The following HDLBP variants were observed in gnomAD, a reference collection of about 807,000 sequenced individuals.
The protein encoded by HDLBP is high density lipoprotein binding protein.
In HDLBP, 30 loss-of-function variants were observed where a neutral mutation model predicts 137.3. The ratio of observed to expected loss-of-function variants is 0.22; its 90% confidence interval spans 0.16 to 0.30. The LOEUF is 0.30. Ranked by LOEUF, HDLBP falls within the 10% of genes least tolerant of loss-of-function variation. The pLI, the probability that HDLBP is intolerant of heterozygous loss-of-function variation, is 1.00. For synonymous variants in HDLBP, 606 were observed against 596.0 expected (o/e 1.02, Z -0.24); for missense variants, 1,119 against 1,667.3 (o/e 0.67, Z 5.73).
At chr2:241,313,093 C>T (rs984185410) in intron 1 of HDLBP, among the ~76,000 whole-genome samples, 8 of 152,170 alleles carry the variant, frequency 5.3e-5, no homozygotes, top group Non-Finnish European at 7.3e-5. Flanking sequence ...TCTTTTAAAC[C>T]GCAGTTCAAG....
At chr2:241,250,731 C>T (rs141864950) in intron 11 of HDLBP, 2 of 146,112 alleles carry the variant, frequency 1.4e-5, no homozygotes, top group African/African-American at 4.9e-5. Context: ...GAGGCAGCAA[C>T]GAGGCGATGC....
rs2069594015 is a variant in HDLBP, at chr2:241,230,355, T to C, written c.3475-86A>G. ...TGTGTCAATTTCTAGTGAAGCATTT[T>C]CTGAGTTAGCAAACGTTTTAAAATC... is the stretch of plus-strand genomic sequence containing the variant. On this transcript the variant is annotated intron_variant, in intron 25 of 27. Transcript: ENST00000310931. The surrounding 1 kb of genome is among the most constrained non-coding windows in gnomAD (Gnocchi z 5.0). The C allele has an allele frequency of 1.0e-5, 9 of 867,410 alleles. No homozygotes were observed. The highest frequency in any genetic ancestry group is 1.5e-5 in the Non-Finnish European group (8 of 545,332). 53.7% of individuals were successfully genotyped at this position (867,410 alleles called of 1,614,324 possible). A position where few individuals can be genotyped will look rare whatever the true frequency, so the allele number is the denominator to read the frequency against.
rs918799841 is a variant in HDLBP, at chr2:241,255,136, G to C, written c.1103C>G (p.Ser368Cys). ...GTGAAGCCAGGAAGGGGCGGCGACAGAGGAGACGGTGAAGCTATTGGCCTA... is the reference window on the plus strand; with the variant it reads ...GTGAAGCCAGGAAGGGGCGGCGACACAGGAGACGGTGAAGCTATTGGCCTA... ...YAKANSFTVS[S>C]VAAPSWLHRF... Residue 368 changes from serine to cysteine, a missense_variant, in exon 9 of 28, where the codon TCT becomes TGT. Ser to Cys is a moderately radical substitution (Grantham distance 112). Around this residue, in one of 4 missense-constraint regions of HDLBP, gnomAD observed 425 missense variants for 693.9 expected, o/e 0.61. Coordinates refer to ENST00000310931, the MANE Select transcript of HDLBP (RefSeq NM_005336.6). The C allele has an allele frequency of 1.2e-6, 2 of 1,614,164 alleles. No individual in the cohort carries two copies. The highest frequency in any genetic ancestry group is 1.7e-6 in the Non-Finnish European group (2 of 1,179,992).
chr2:241,293,051 AC>A (rs2075058752), intron 1 of HDLBP, among the ~76,000 whole-genome samples: 1 of 152,130 alleles, frequency 6.6e-6, no homozygotes, highest in Non-Finnish European at 1.5e-5. Context: ...AGCAAAGAGG[AC>A]CACTTATCAA....
At chr2:241,247,367 G>A in intron 14 of HDLBP, 2 of 553,376 alleles carry the variant, frequency 3.6e-6, no homozygotes, top group East Asian at 6.3e-5. Flanking sequence ...GGCTAAGAGA[G>A]AGTTCATGTC....
chr2:241,255,337 C>A (rs375940195), intron 8 of HDLBP, 37 bp downstream of exon 8: 149 of 1,584,132 alleles, frequency 9.4e-5, no homozygotes, highest in Non-Finnish European at 2.3e-5. Context: ...GCGGACTCCA[C>A]TCAAAGGAGA....
In HDLBP at chr2:241,301,146, T is replaced by C. The variant is rs77206443; in HGVS notation, c.-103+14424A>G. ...CGCCCGCCACCAGGCCCGGCTAATT[T>C]TTTTTTTTTTTTTGGTATTTTTAGT... On this transcript the variant is annotated intron_variant, in intron 1 of 27. Coordinates refer to ENST00000310931, the MANE Select transcript of HDLBP (RefSeq NM_005336.6). 7.6e-4 allele frequency among the ~76,000 whole-genome samples: 109 copies of C among 143,350 alleles called. 1 individual carries two copies. The East Asian group carries it at 0.013, about 17-fold the overall frequency. 94.0% of individuals were successfully genotyped at this position (143,350 alleles called of 152,430 possible).
chr2:241,272,198 G>C lies in HDLBP; in HGVS notation c.-102-3657C>G. ...ACGCGGGCCCCGCGCGGCAGGTGGA[G>C]GTGCTGCGGGGGCCCCGCCGCCCGG... On this transcript the variant is annotated intron_variant, in intron 1 of 27. Transcript: ENST00000310931. This position sits in a 1 kb window ranked among gnomAD's most constrained non-coding sequence, Gnocchi z 5.6. 1 of 984,646 alleles carries C rather than the reference G, an allele frequency of 1.0e-6. No individual in the cohort carries two copies. Among genetic ancestry groups the C allele is most frequent in the Non-Finnish European group, 1.2e-6 (1 of 829,276 alleles). 61.0% of individuals were successfully genotyped at this position (984,646 alleles called of 1,614,324 possible).
chr2:241,248,370 A>C (rs2149445673), intron 12 of HDLBP, 22 bp from the exon 13 acceptor site: 1 of 1,573,250 alleles, frequency 6.4e-7, no homozygotes, highest in Non-Finnish European at 8.8e-7. Context: ...ATTAAAGTAG[A>C]TGTCATTTAT....
chr2:241,314,731 C>G (rs1315318502), intron 1 of HDLBP, among the ~76,000 whole-genome samples: 1 of 152,186 alleles, frequency 6.6e-6, no homozygotes. Context: ...GCCTTGAGCA[C>G]CTAACCACTT....
At position 241,242,593 on chromosome 2, in the gene HDLBP, A is replaced by G; in HGVS notation, c.2036T>C (p.Ile679Thr). The G allele has an allele frequency of 6.2e-7, 1 of 1,614,202 alleles. No homozygotes were observed. The highest frequency in any genetic ancestry group is 8.5e-7 in the Non-Finnish European group (1 of 1,180,020). ...GTGGACCCCGCCGCACTCCTCCATGATGGAGCGGATCAGACGGCCCTTGGT... is the reference window on the plus strand; with the variant it reads ...GTGGACCCCGCCGCACTCCTCCATGGTGGAGCGGATCAGACGGCCCTTGGT... ...IGTKGRLIRS[I>T]MEECGGVHIH... Residue 679 changes from isoleucine to threonine, a missense_variant, in exon 17 of 28, where the codon ATC (isoleucine) becomes ACC (threonine). Physicochemically the swap from Ile to Thr is moderately conservative, Grantham distance 89. This residue lies in a region of HDLBP where 618 missense variants were observed against 816.7 expected (regional missense o/e 0.76). Transcript: ENST00000310931.
intron 1 of HDLBP, among the ~76,000 whole-genome samples, chr2:241,270,655 T>C (rs1157070273): frequency 6.6e-6 from 1 of 152,128 alleles, no homozygotes; most frequent in East Asian, 1.9e-4. Flanking sequence ...TGCCTCTGGT[T>C]CAACAAAGCA....
Position 241,238,822 on chromosome 2 carries a change from C to T in HDLBP, c.2611-35G>A. 6.8e-7 allele frequency: 1 copy of T among 1,469,528 alleles called. No homozygotes were observed. The highest frequency in any genetic ancestry group is 9.1e-7 in the Non-Finnish European group (1 of 1,098,120). The allele number at this position is 1,469,528 out of a possible 1,614,324, so 91.0% of individuals were successfully genotyped here. On this transcript the variant is annotated intron_variant, in intron 19 of 27. Coordinates refer to ENST00000310931, the MANE Select transcript of HDLBP (RefSeq NM_005336.6). This position sits in a 1 kb window ranked among gnomAD's most constrained non-coding sequence, Gnocchi z 4.9. The stretch of plus-strand genomic sequence containing the variant: ...GGTACACAAAGAAAAAAGAAAAGAG[C>T]AAAGATTAAATTCCTTAGGGCAAGT...
chr2:241,231,008 G>A (rs2069677097), intron 24 of HDLBP, 64 bp from the exon 25 acceptor site: 9 of 1,450,880 alleles, frequency 6.2e-6, no homozygotes, highest in Non-Finnish European at 7.7e-6. Context: ...AGGGGCAAGA[G>A]CCGGCCCCCA....
chr2:241,244,746 G>A (rs1013430272), intron 16 of HDLBP, among the ~76,000 whole-genome samples: 7 of 152,140 alleles, frequency 4.6e-5, no homozygotes, highest in African/African-American at 1.7e-4. Flanking sequence ...TCTAGAAATG[G>A]CAACTGTGTG....
chr2:241,239,398 C>A lies in HDLBP; in HGVS notation c.2610+204G>T, dbSNP rs1169603356. On this transcript the variant is annotated intron_variant, in intron 19 of 27. Transcript: ENST00000310931. This position sits in a 1 kb window ranked among gnomAD's most constrained non-coding sequence, Gnocchi z 4.6. ...TCTCTTTTTTTTTTTAAGTGCTTCTCGCAGGCAGAATTCTCACCAACTATC... is the reference window on the plus strand; with the variant it reads ...TCTCTTTTTTTTTTTAAGTGCTTCTAGCAGGCAGAATTCTCACCAACTATC... 6.6e-6 allele frequency among the ~76,000 whole-genome samples: 1 copy of A among 151,644 alleles called. No individual in the cohort carries two copies. The highest frequency in any genetic ancestry group is 6.6e-5 in the Admixed American group (1 of 15,228).
At chr2:241,298,608 T>TC (rs2075274714) in intron 1 of HDLBP, among the ~76,000 whole-genome samples, 1 of 152,108 alleles carries the variant, frequency 6.6e-6, no homozygotes, top group Non-Finnish European at 1.5e-5. Context: ...CAAAAGTATC[T>TC]CCCTACTATA....
intron 1 of HDLBP, among the ~76,000 whole-genome samples, chr2:241,279,313 A>C (rs955921928): frequency 2.6e-5 from 4 of 152,228 alleles, no homozygotes; most frequent in African/African-American, 9.6e-5. Context: ...AATTTTTATA[A>C]TGTTGCATTG....
chr2:241,239,908 T>C lies in HDLBP; in HGVS notation c.2384A>G (p.Gln795Arg), dbSNP rs1407833046. Reference sequence around the variant, plus strand: ...CCGAGGCCCGCTCCCTACCAGGTTTTGGATCAAGGCCTCCAGCTCCTTCTG... The same window carrying C: ...CCGAGGCCCGCTCCCTACCAGGTTTCGGATCAAGGCCTCCAGCTCCTTCTG... ...EAQKELEALI[Q>R]NLDNVVEDSM... Residue 795 changes from glutamine (Q) to arginine (R), a missense_variant, in exon 18 of 28, where the codon CAA (glutamine) becomes CGA (arginine). Coordinates refer to ENST00000310931, the MANE Select transcript of HDLBP (RefSeq NM_005336.6). This position sits in a 1 kb window ranked among gnomAD's most constrained non-coding sequence, Gnocchi z 4.6. 5.0e-6 allele frequency: 8 copies of C among 1,614,092 alleles called. 1 individual carries two copies. In the Middle Eastern group the frequency reaches 4.9e-4, roughly 100 times the overall value.
Sources: allele counts gnomAD v4.1 joint callset (sites outside exome capture counted in the v4.1 genomes callset), GRCh38; gene constraint gnomAD v4.1.1; regional missense constraint gnomAD v4.1.1; non-coding constraint Gnocchi (gnomAD v3.1); transcripts MANE v1.5; gene names NCBI Gene and HGNC (gene_info 2026-07-23, HGNC 2026-07-21).